NEBL: variants seen among roughly 807,000 people sequenced by gnomAD.
NEBL encodes the protein nebulette, also known as LIM and SH3 protein 2.
NEBL carries 122 observed loss-of-function variants against 140.2 expected under a neutral mutation model. The observed-to-expected ratio is 0.87, with a 90% CI of 0.75 to 1.01. NEBL has a LOEUF of 1.01. Among genes scored for constraint, NEBL ranks in the 50% least tolerant of loss-of-function variants. NEBL has a pLI of 0.00. For missense variants in NEBL, 1,365 were observed against 1,231.3 expected (o/e 1.11, Z -1.62); for synonymous variants, 436 against 398.9 (o/e 1.09, Z -1.11).
intron 2 of NEBL, chr10:21,248,163 C>T (rs1051837339): frequency 3.8e-4 from 69 of 179,984 alleles, no homozygotes; most frequent in Admixed American, 6.5e-4. Context: ...CTCGACCTCC[C>T]GGGCTCAAGT....
intron 3 of NEBL, among the ~76,000 whole-genome samples, chr10:21,230,385 C>T (rs192248015): frequency 2.0e-3 from 298 of 152,250 alleles, no homozygotes; most frequent in African/African-American, 6.9e-3. Context: ...GAGAAAGTAA[C>T]TGCTCACTTA....
At position 20,828,644 on chromosome 10, in the gene NEBL, T is replaced by A. The variant is rs538010888; in HGVS notation, c.1672-10A>T. 6.7e-7 allele frequency: 1 copy of A among 1,499,682 alleles called. No individual in the cohort carries two copies. The highest frequency in any genetic ancestry group is 9.3e-7 in the Non-Finnish European group (1 of 1,078,462). The allele number at this position is 1,499,682 out of a possible 1,614,324, so 92.9% of individuals were successfully genotyped here. The stretch of plus-strand genomic sequence containing the variant: ...CATCTTTATACTTTCTCTAAAAACA[T>A]AAACAGTTAATATAAATCTGAAACT... On this transcript the variant is annotated splice_polypyrimidine_tract_variant and intron_variant, in intron 16 of 27. Coordinates refer to ENST00000377122, the MANE Select transcript of NEBL (RefSeq NM_006393.3).
At chr10:21,154,147 C>T (rs1840246675) in intron 2 of NEBL, among the ~76,000 whole-genome samples, 1 of 151,912 alleles carries the variant, frequency 6.6e-6, no homozygotes. Flanking sequence ...TTAAAGCAAA[C>T]ACTAAAGTCA....
intron 4 of NEBL, among the ~76,000 whole-genome samples, chr10:20,902,655 C>A (rs1441365766): frequency 6.6e-6 from 1 of 152,088 alleles, no homozygotes; most frequent in African/African-American, 2.4e-5. Flanking sequence ...TAACATAGCG[C>A]CCATTGAGCT....
intron 10 of NEBL, 54 bp from the exon 11 acceptor site, chr10:20,850,556 G>A: frequency 1.8e-6 from 2 of 1,139,502 alleles, no homozygotes; most frequent in South Asian, 1.2e-5. Flanking sequence ...TACAAACAGA[G>A]CAAACTAAGA....
intron 2 of NEBL, among the ~76,000 whole-genome samples, chr10:21,051,641 C>A (rs1834784377): frequency 6.6e-6 from 1 of 152,022 alleles, no homozygotes; most frequent in South Asian, 2.1e-4. Flanking sequence ...ACAAAATGAA[C>A]AAATTAAGTC....
intron 2 of NEBL, among the ~76,000 whole-genome samples, chr10:21,052,265 G>A (rs1006928750): frequency 6.6e-6 from 1 of 152,180 alleles, no homozygotes; most frequent in Non-Finnish European, 1.5e-5. Context: ...CACTTCATGA[G>A]TCAACACTGG....
At chr10:21,071,871 T>C (rs1026156043) in intron 2 of NEBL, among the ~76,000 whole-genome samples, 5 of 152,142 alleles carry the variant, frequency 3.3e-5, no homozygotes, top group Admixed American at 6.5e-5. Context: ...CAGGCTGGAG[T>C]GCAGTGGTGC....
In NEBL at chr10:21,021,252, C is replaced by A. The variant is rs547002181; in HGVS notation, c.165-1051G>T. Among the ~76,000 whole-genome samples, 6 of 152,278 alleles carry A rather than the reference C, an allele frequency of 3.9e-5. No homozygotes were observed. In the South Asian group the frequency reaches 1.0e-3, roughly 26 times the overall value. On this transcript the variant is annotated intron_variant, in intron 2 of 6. Transcript: ENST00000417816. ...CTTGACTCCATTTTTTAATTGTCGG[C>A]CACATTTATCGTTTAGGTGACTACA... is the stretch of plus-strand genomic sequence containing the variant.
At chr10:20,813,809 C>A in intron 23 of NEBL, 130 bp downstream of exon 23, 1 of 700,618 alleles carries the variant, frequency 1.4e-6, no homozygotes, top group Non-Finnish European at 2.6e-6. Flanking sequence ...AAATGCCCCT[C>A]CCTCAAAAGA....
chr10:21,198,667 T>A (rs1841688445), intron 3 of NEBL, among the ~76,000 whole-genome samples: 1 of 152,106 alleles, frequency 6.6e-6, no homozygotes, highest in African/African-American at 2.4e-5. Context: ...AGCCTCCCCA[T>A]TGCTAGGTTA....
intron 2 of NEBL, among the ~76,000 whole-genome samples, chr10:21,161,953 C>T (rs1292243184): frequency 1.3e-5 from 2 of 152,168 alleles, no homozygotes; most frequent in Admixed American, 1.3e-4. Flanking sequence ...TGGCTCAGTG[C>T]ACCAGAAAAA....
chr10:20,860,544 T>C (rs1462705416), intron 7 of NEBL, among the ~76,000 whole-genome samples: 1 of 42,316 alleles, frequency 2.4e-5, no homozygotes, highest in East Asian at 5.9e-4. Flanking sequence ...AATTAGAATA[T>C]AAACACAAGT....
At chr10:20,924,523 T>TA (rs34139031) in intron 4 of NEBL, among the ~76,000 whole-genome samples, 196 of 138,134 alleles carry the variant, frequency 1.4e-3, no homozygotes, top group Middle Eastern at 7.5e-3. Context: ...GTATCTTGTA[T>TA]AAAAAAAAAA....
At chr10:20,883,943 T>C (rs1846236413) in intron 4 of NEBL, among the ~76,000 whole-genome samples, 6 of 152,232 alleles carry the variant, frequency 3.9e-5, no homozygotes, top group Admixed American at 3.9e-4. Context: ...AAATAGCTAA[T>C]GGAAAATTAT....
intron 3 of NEBL, among the ~76,000 whole-genome samples, chr10:21,210,852 G>A (rs1204399504): frequency 3.3e-5 from 5 of 152,244 alleles, no homozygotes; most frequent in African/African-American, 4.8e-5. Flanking sequence ...AAATGTACAC[G>A]CTATGTATGA....
chr10:20,944,378 C>T (rs1373467398), intron 4 of NEBL, among the ~76,000 whole-genome samples: 2 of 151,732 alleles, frequency 1.3e-5, no homozygotes, highest in Non-Finnish European at 2.9e-5. Flanking sequence ...CCAGCCTGGG[C>T]GACAAGACCA....
chr10:21,261,823 C>A (rs192507385), intron 1 of NEBL, among the ~76,000 whole-genome samples: 24 of 152,174 alleles, frequency 1.6e-4, no homozygotes, highest in Admixed American at 1.4e-3. Flanking sequence ...GGAGTGTCAG[C>A]GGCAACACAC....
intron 2 of NEBL, among the ~76,000 whole-genome samples, chr10:21,074,893 T>A (rs1403124704): frequency 6.6e-6 from 1 of 152,046 alleles, no homozygotes; most frequent in Admixed American, 6.6e-5. Flanking sequence ...AGCTTTGAAC[T>A]CCTGAGCTCA....
Sources: allele counts gnomAD v4.1 joint callset (sites outside exome capture counted in the v4.1 genomes callset), GRCh38; gene constraint gnomAD v4.1.1; transcripts MANE v1.5; gene names NCBI Gene and HGNC (gene_info 2026-07-23, HGNC 2026-07-21).